Variants in NKAIN3 observed in about 807,000 individuals in gnomAD.
NKAIN3 encodes sodium/potassium-transporting ATPase subunit beta-1-interacting protein 3.
A neutral mutation model predicts 30.2 loss-of-function variants in NKAIN3; 25 were observed. That is an observed-to-expected ratio of 0.83 (90% CI 0.60 to 1.16). The LOEUF is 1.16. NKAIN3 is among the 50% of genes most tolerant of loss of function. The pLI is 0.00. For missense variants in NKAIN3, 225 were observed against 254.1 expected (o/e 0.89, Z 0.78); for synonymous variants, 91 against 89.6 (o/e 1.02, Z -0.09).
chr8:62,413,571 CAA>C (rs1308695313), intron 1 of NKAIN3, among the ~76,000 whole-genome samples: 2 of 152,070 alleles, frequency 1.3e-5, no homozygotes, highest in African/African-American at 4.8e-5. Flanking sequence ...CCATTTTAAT[CAA>C]GAGCTAAATA....
intron 1 of NKAIN3, among the ~76,000 whole-genome samples, chr8:62,300,700 C>T (rs2129587918): frequency 6.6e-6 from 1 of 152,098 alleles, no homozygotes; most frequent in East Asian, 1.9e-4. Flanking sequence ...AATGGAAAAA[C>T]ACAATTTTCA....
At chr8:62,546,691 A>C (rs1189278906) in intron 1 of NKAIN3, among the ~76,000 whole-genome samples, 4 of 152,310 alleles carry the variant, frequency 2.6e-5, no homozygotes, top group African/African-American at 7.2e-5. Context: ...TCAAACCAGA[A>C]GTTTCTGGAA....
intron 1 of NKAIN3, among the ~76,000 whole-genome samples, chr8:62,421,171 C>G (rs1018379760): frequency 1.3e-5 from 2 of 152,112 alleles, no homozygotes; most frequent in African/African-American, 4.8e-5. Context: ...TTAGTTCCTC[C>G]CAGCTACTTG....
intron 4 of NKAIN3, among the ~76,000 whole-genome samples, chr8:62,868,743 G>C (rs1242736857): frequency 6.6e-6 from 1 of 152,130 alleles, no homozygotes; most frequent in East Asian, 1.9e-4. Context: ...ACCCTGATAA[G>C]CTCAGTTTCT....
chr8:62,586,994 G>C (rs1810496022), intron 2 of NKAIN3, among the ~76,000 whole-genome samples: 1 of 151,832 alleles, frequency 6.6e-6, no homozygotes, highest in African/African-American at 2.4e-5. Context: ...TAACCAAAGG[G>C]TATTTGTTTA....
intron 3 of NKAIN3, among the ~76,000 whole-genome samples, chr8:62,661,539 C>T (rs1453564684): frequency 6.6e-6 from 1 of 152,192 alleles, no homozygotes; most frequent in Non-Finnish European, 1.5e-5. Context: ...TATTTCAGTC[C>T]AGATCATCTC....
At chr8:62,629,535 A>T (rs566365602) in intron 3 of NKAIN3, among the ~76,000 whole-genome samples, 74 of 152,286 alleles carry the variant, frequency 4.9e-4, no homozygotes, top group Admixed American at 2.9e-3. Flanking sequence ...ATTAAATGAG[A>T]TGATGCTAGT....
chr8:62,833,637 G>A (rs1350553646), intron 4 of NKAIN3, among the ~76,000 whole-genome samples: 4 of 151,852 alleles, frequency 2.6e-5, no homozygotes, highest in Admixed American at 1.3e-4. Flanking sequence ...GGAAGAAATT[G>A]TAATGCTGAA....
At chr8:62,858,280 G>T (rs1820125429) in intron 4 of NKAIN3, among the ~76,000 whole-genome samples, 1 of 152,024 alleles carries the variant, frequency 6.6e-6, no homozygotes, top group African/African-American at 2.4e-5. Flanking sequence ...AAATGCAGTT[G>T]TAAGAGGTAC....
At chr8:62,832,404 A>G (rs188562830) in intron 4 of NKAIN3, among the ~76,000 whole-genome samples, 11 of 152,048 alleles carry the variant, frequency 7.2e-5, no homozygotes, top group Non-Finnish European at 1.5e-4. Flanking sequence ...ACATATCAAT[A>G]TTAACCCTGA....
chr8:62,856,190 G>C, intron 4 of NKAIN3: 1 of 773,090 alleles, frequency 1.3e-6, no homozygotes, highest in African/African-American at 1.7e-5. Context: ...CAAACTTCCT[G>C]TATTTGTATT....
chr8:62,292,856 T>C (rs547248545), intron 1 of NKAIN3, among the ~76,000 whole-genome samples: 2 of 152,358 alleles, frequency 1.3e-5, no homozygotes, highest in African/African-American at 4.8e-5. Flanking sequence ...TCCCCATCAC[T>C]TTCAGGCACA....
chr8:62,434,027 C>T lies in NKAIN3; in HGVS notation c.55-145512C>T, dbSNP rs572439278. The stretch of plus-strand genomic sequence containing the variant: ...ACAGATATGAGCATGGCAGATAAAC[C>T]GTTTGTCCTCATGGAGCTTGTAGTC... On this transcript the variant is annotated intron_variant, in intron 1 of 6. Transcript: ENST00000623646. Among the ~76,000 whole-genome samples the T allele has an allele frequency of 2.6e-4, 39 of 152,174 alleles. 1 individual carries two copies. In the Middle Eastern group the frequency reaches 0.01, roughly 40 times the overall value.
In NKAIN3 at chr8:62,883,456, G is replaced by GGTTGTT. The variant is rs1353393524; in HGVS notation, c.472-34994_472-34993insGTTGTT. Among the ~76,000 whole-genome samples the GGTTGTT allele has an allele frequency of 2.3e-4, 4 of 17,228 alleles. 1 individual carries two copies. Among genetic ancestry groups the GGTTGTT allele is most frequent in the Non-Finnish European group, 3.4e-4 (4 of 11,684 alleles). The allele number at this position is 17,228 out of a possible 152,430, so 11.3% of individuals were successfully genotyped here. ...GTTTATTATTTCCAGGAGTTTTATG[G>GGTTGTT]GTTTTTTTTTTTTTTTTCAGATTTT... On this transcript the variant is annotated intron_variant, in intron 4 of 6. Transcript: ENST00000623646.
chr8:62,810,638 G>GTTTT lies in NKAIN3; in HGVS notation c.471+63523_471+63526dup, dbSNP rs3032376. Among the ~76,000 whole-genome samples, 856 of 120,110 alleles carry GTTTT rather than the reference G, an allele frequency of 7.1e-3. 13 individuals are homozygous for GTTTT. The highest frequency in any genetic ancestry group is 0.024 in the African/African-American group (771 of 31,728). 78.8% of individuals were successfully genotyped at this position (120,110 alleles called of 152,430 possible). On this transcript the variant is annotated intron_variant, in intron 4 of 6. Transcript: ENST00000623646. ...ATGATTGTAAGTATGTAGGTAGAAAGTTTTTTTTTTTTTTTTTGCTTTCTT... is the reference window on the plus strand; with the variant it reads ...ATGATTGTAAGTATGTAGGTAGAAAGTTTTTTTTTTTTTTTTTTTTTGCTTTCTT...
intron 4 of NKAIN3, chr8:62,856,988 G>T: frequency 3.8e-6 from 2 of 527,668 alleles, no homozygotes; most frequent in South Asian, 1.6e-5. Context: ...ATCTCTTCCT[G>T]AATACTTATA....
intron 3 of NKAIN3, among the ~76,000 whole-genome samples, chr8:62,733,531 T>C (rs1815550115): frequency 6.6e-6 from 1 of 152,214 alleles, no homozygotes; most frequent in Admixed American, 6.5e-5. Flanking sequence ...CATTCTTTTG[T>C]TGGCAAGTTT....
chr8:62,985,082 C>A (rs1824176151), downstream of NKAIN3, among the ~76,000 whole-genome samples: 1 of 152,150 alleles, frequency 6.6e-6, no homozygotes, highest in African/African-American at 2.4e-5. Context: ...GGTCCCTCCC[C>A]TAGAAATTTC....
rs551153713 is a variant in NKAIN3, at chr8:62,629,495, C to A, written c.273+39701C>A. 3.3e-5 allele frequency among the ~76,000 whole-genome samples: 5 copies of A among 152,236 alleles called. No individual in the cohort carries two copies. The South Asian group carries it at 1.0e-3, about 32-fold the overall frequency. The stretch of plus-strand genomic sequence containing the variant: ...TCATGAAGTTATAATACATCCATAG[C>A]AGCACATACTTCATAAGATTTTGGG... On this transcript the variant is annotated intron_variant, in intron 3 of 6. Coordinates refer to ENST00000623646, the MANE Select transcript of NKAIN3 (RefSeq NM_001304533.3).
Sources: allele counts gnomAD v4.1 joint callset (sites outside exome capture counted in the v4.1 genomes callset), GRCh38; gene constraint gnomAD v4.1.1; transcripts MANE v1.5; gene names NCBI Gene and HGNC (gene_info 2026-07-23, HGNC 2026-07-21).